UNC13C: variants seen among roughly 807,000 people sequenced by gnomAD.
The protein encoded by UNC13C is unc-13 homolog C.
A neutral mutation model predicts 245.4 loss-of-function variants in UNC13C; 174 were observed. The ratio of observed to expected loss-of-function variants is 0.71; its 90% CI spans 0.63 to 0.80. The LOEUF (loss-of-function observed/expected upper bound fraction) is 0.80. UNC13C is among the 30% of genes least tolerant of loss of function. The pLI, the probability that UNC13C is intolerant of heterozygous loss-of-function variation, is 0.00. For missense variants in UNC13C, 2,829 were observed against 2,602.9 expected, an observed-to-expected ratio of 1.09 and a Z score of -1.89; for synonymous variants, 992 against 895.1, an observed-to-expected ratio of 1.11 and a Z score of -1.93.
intron 13 of UNC13C, among the ~76,000 whole-genome samples, chr15:54,315,424 A>C (rs1029371469): frequency 1.3e-5 from 2 of 151,492 alleles, no homozygotes; most frequent in African/African-American, 4.8e-5. Flanking sequence ...TATCAAGATT[A>C]TCCTGATTCC....
intron 10 of UNC13C, among the ~76,000 whole-genome samples, chr15:54,282,535 C>A (rs896873449): frequency 1.3e-5 from 2 of 152,122 alleles, no homozygotes; most frequent in African/African-American, 4.8e-5. Flanking sequence ...AGGGTGCCCA[C>A]GACCCCAAAA....
intron 2 of UNC13C, among the ~76,000 whole-genome samples, chr15:54,106,630 A>G (rs1900461301): frequency 6.6e-6 from 1 of 152,160 alleles, no homozygotes; most frequent in East Asian, 1.9e-4. Context: ...TTTCTGTTCC[A>G]TGTGCCATCT....
In UNC13C at chr15:54,561,553, T is replaced by C. The variant is rs960188856; in HGVS notation, c.5958+6041T>C. On this transcript the variant is annotated intron_variant, in intron 29 of 32. Transcript: ENST00000260323. ...AGGGAAAGGCACAAGACAAGAAGGC[T>C]TGGAGGCAGTGAGTAGACTACTCTG... Among the ~76,000 whole-genome samples the C allele has an allele frequency of 3.9e-5, 6 of 152,006 alleles. No individual in the cohort carries two copies. The East Asian group carries it at 5.9e-4, about 15-fold the overall frequency.
Position 54,533,071 on chromosome 15 carries a change from GTT to G in UNC13C, c.5696+11_5696+12del, listed in dbSNP as rs752706186. On this transcript the variant is annotated splice_donor_region_variant and intron_variant, in intron 26 of 32. Coordinates refer to ENST00000260323, the MANE Select transcript of UNC13C (RefSeq NM_001080534.3). ...TATGGATTTTTTGGACAAAACGTAA[GTT>G]TTTTTGCCCAGTTTTCTCTTTACTT... 3 of 1,582,064 alleles carry G rather than the reference GTT, an allele frequency of 1.9e-6. No individual in the cohort carries two copies. Among genetic ancestry groups the G allele is most frequent in the Admixed American group, 1.8e-5 (1 of 54,748 alleles).
intron 2 of UNC13C, among the ~76,000 whole-genome samples, chr15:54,123,655 C>T (rs1297420455): frequency 1.3e-5 from 2 of 152,072 alleles, no homozygotes; most frequent in Non-Finnish European, 2.9e-5. Flanking sequence ...ACCAGTTTCT[C>T]CCAGCAGTTA....
chr15:54,218,115 A>G (rs1407389981), intron 4 of UNC13C, among the ~76,000 whole-genome samples: 4 of 151,984 alleles, frequency 2.6e-5, no homozygotes, highest in Non-Finnish European at 5.9e-5. Flanking sequence ...GCAGTTTTAT[A>G]GGGGATATGA....
rs1471582303 is a variant in UNC13C, at chr15:54,444,432, G to T, written c.4933+29365G>T. ...ATATATGTCAGATAACAGGAAAAGT[G>T]ATCTTTTGTAGGCATGATATAACTG... On this transcript the variant is annotated intron_variant, in intron 19 of 32. Transcript: ENST00000260323. Among the ~76,000 whole-genome samples, 4 of 151,632 alleles carry T rather than the reference G, an allele frequency of 2.6e-5. No individual in the cohort carries two copies. The East Asian group carries it at 7.7e-4, about 29-fold the overall frequency.
rs150559181 is a variant in UNC13C, at chr15:54,555,515, G to A, written c.5958+3G>A. Reference sequence around the variant, plus strand: ...AGGTAGTCCTGGCTACCATCAAGGTGAGATTATAATGCTCCTATATATACA... The same window carrying A: ...AGGTAGTCCTGGCTACCATCAAGGTAAGATTATAATGCTCCTATATATACA... On this transcript the variant is annotated splice_donor_region_variant and intron_variant, in intron 29 of 32. Coordinates refer to ENST00000260323, the MANE Select transcript of UNC13C (RefSeq NM_001080534.3). 1.1e-3 allele frequency: 1,789 copies of A among 1,609,560 alleles called. 17 individuals are homozygous for A. The African/African-American group carries it at 0.021, about 19-fold the overall frequency.
chr15:53,928,685 C>T, the UNC13C span, among the ~76,000 whole-genome samples: 1 of 152,216 alleles, frequency 6.6e-6, no homozygotes, highest in African/African-American at 2.4e-5. Context: ...TGAGTTCTTG[C>T]AGTTGGGATT....
intron 19 of UNC13C, among the ~76,000 whole-genome samples, chr15:54,466,646 T>G (rs550392971): frequency 6.6e-6 from 1 of 151,870 alleles, no homozygotes; most frequent in East Asian, 1.9e-4. Context: ...TATTCTCTTT[T>G]GGCAAATAAA....
chr15:54,160,631 A>C (rs1315309080), intron 4 of UNC13C, among the ~76,000 whole-genome samples: 1 of 152,086 alleles, frequency 6.6e-6, no homozygotes, highest in East Asian at 1.9e-4. Context: ...AGCTGTTCAA[A>C]AGTATAGCTG....
At chr15:54,108,016 G>GA (rs1055779313) in intron 2 of UNC13C, among the ~76,000 whole-genome samples, 2 of 151,948 alleles carry the variant, frequency 1.3e-5, no homozygotes, top group Admixed American at 6.5e-5. Context: ...TTGTAAAAGA[G>GA]AAAAAAACAT....
chr15:54,382,476 C>A (rs2039747532), intron 17 of UNC13C, among the ~76,000 whole-genome samples: 1 of 151,998 alleles, frequency 6.6e-6, no homozygotes, highest in South Asian at 2.1e-4. Context: ...GTAGTCCCAG[C>A]TACTCAGGAG....
intron 4 of UNC13C, among the ~76,000 whole-genome samples, chr15:54,188,064 C>G (rs908451311): frequency 1.2e-4 from 18 of 152,128 alleles, no homozygotes; most frequent in African/African-American, 4.1e-4. Flanking sequence ...GTGAACCACC[C>G]ACTTTGGCCT....
At chr15:53,988,578 G>C (rs1477041087) in intron 1 of UNC13C, among the ~76,000 whole-genome samples, 1 of 151,860 alleles carries the variant, frequency 6.6e-6, no homozygotes, top group East Asian at 1.9e-4. Context: ...ATAAGATTTA[G>C]TATTGCAACA....
chr15:54,255,651 A>G (rs868767240), intron 8 of UNC13C, among the ~76,000 whole-genome samples: 28 of 145,428 alleles, frequency 1.9e-4, no homozygotes, highest in South Asian at 2.2e-4. Flanking sequence ...TTATAGGCAC[A>G]GGATGGGGGC....
chr15:54,188,605 T>C (rs2034076157), intron 4 of UNC13C, among the ~76,000 whole-genome samples: 1 of 152,334 alleles, frequency 6.6e-6, no homozygotes, highest in South Asian at 2.1e-4. Flanking sequence ...ATTGCTTTAC[T>C]TCAGAGCCTA....
chr15:54,529,736 G>A (rs1396822002), intron 25 of UNC13C, among the ~76,000 whole-genome samples: 1 of 152,124 alleles, frequency 6.6e-6, no homozygotes, highest in Non-Finnish European at 1.5e-5. Context: ...AGGAGGAGAG[G>A]AGTGGGAATG....
chr15:53,843,979 G>A, the UNC13C span, among the ~76,000 whole-genome samples: 2 of 152,172 alleles, frequency 1.3e-5, no homozygotes, highest in Non-Finnish European at 2.9e-5. Flanking sequence ...AATCTTTTCA[G>A]AACAGAAGAG....
Sources: gnomAD v4.1 joint callset for allele counts (sites outside exome capture counted in the v4.1 genomes callset) on GRCh38, gnomAD v4.1.1 for gene constraint, MANE v1.5 for transcripts, NCBI Gene and HGNC (gene_info 2026-07-23, HGNC 2026-07-21) for gene names.